Variants in ZFAND1 observed in about 807,000 individuals in gnomAD.
ZFAND1 encodes AN1-type zinc finger protein 1.
ZFAND1 carries 40 observed loss-of-function variants against 38.5 expected under a neutral mutation model. The observed-to-expected ratio is 1.04, with a 90% CI of 0.81 to 1.35. The LOEUF is 1.35. ZFAND1 is among the 40% of genes most tolerant of loss of function. ZFAND1 has a pLI of 0.00. For synonymous variants in ZFAND1, 117 were observed against 103.6 expected, an observed-to-expected ratio of 1.13 and a Z score of -0.78; for missense variants, 346 against 316.3, an observed-to-expected ratio of 1.09 and a Z score of -0.71.
At chr8:81,714,202 T>C (rs953831268) in intron 5 of ZFAND1, 163 bp from the exon 6 acceptor site, 11 of 622,512 alleles carry the variant, frequency 1.8e-5, no homozygotes, top group Middle Eastern at 9.2e-4. Context: ...ACATTGTCAA[T>C]GGAAAAATAT....
Position 81,702,886 on chromosome 8 carries a change from C to T in ZFAND1, c.637-21G>A. 3.8e-6 allele frequency: 6 copies of T among 1,567,952 alleles called. No homozygotes were observed. The South Asian group carries it at 4.9e-5, about 13-fold the overall frequency. Reference sequence around the variant, plus strand: ...AATTTCTGTGAAGGGAGAAGTAAGTCATACTGTAATAAATAAACATGCTTG... The same window carrying T: ...AATTTCTGTGAAGGGAGAAGTAAGTTATACTGTAATAAATAAACATGCTTG... On this transcript the variant is annotated intron_variant, in intron 7 of 7. Coordinates refer to ENST00000220669, the MANE Select transcript of ZFAND1 (RefSeq NM_024699.3).
At chr8:81,719,359 T>G (rs996984150) in intron 1 of ZFAND1, among the ~76,000 whole-genome samples, 22 of 62,822 alleles carry the variant, frequency 3.5e-4, no homozygotes, top group Non-Finnish European at 5.4e-4. Context: ...ACACACAAAT[T>G]AGCTGGGCGT....
rs1200557363 is a variant in ZFAND1 at position 81,715,127 on chromosome 8, AAAG to A, written c.139-16_139-14del. On this transcript the variant is annotated splice_polypyrimidine_tract_variant and intron_variant, in intron 3 of 7. Transcript: ENST00000220669. ...TGATTACAGTCACCTGAAAATGCAA[AAAG>A]GAGGAAATGTATTACATTTCAGACC... 1 of 1,612,866 alleles carries A rather than the reference AAAG, an allele frequency of 6.2e-7. No homozygotes were observed. Among genetic ancestry groups the A allele is most frequent in the South Asian group, 1.1e-5 (1 of 91,006 alleles).
chr8:81,702,954 A>G lies in ZFAND1; in HGVS notation c.636+15T>C, dbSNP rs775270434. On this transcript the variant is annotated intron_variant, in intron 7 of 7. Coordinates refer to ENST00000220669, the MANE Select transcript of ZFAND1 (RefSeq NM_024699.3). The stretch of plus-strand genomic sequence containing the variant: ...CCTTTATTAATATAGAAATATTATT[A>G]TAATGAGATGTTACCTTAGCTGTAA... The G allele has an allele frequency of 6.7e-7, 1 of 1,495,182 alleles. No homozygotes were observed. Among genetic ancestry groups the G allele is most frequent in the Non-Finnish European group, 8.9e-7 (1 of 1,122,630 alleles). The allele number at this position is 1,495,182 out of a possible 1,614,324, so 92.6% of individuals were successfully genotyped here.
intron 6 of ZFAND1, among the ~76,000 whole-genome samples, chr8:81,706,575 T>G (rs1038965550): frequency 6.6e-6 from 1 of 151,940 alleles, no homozygotes; most frequent in African/African-American, 2.4e-5. Flanking sequence ...ATGTTAAGAA[T>G]GTAAGCACAT....
At chr8:81,718,652 T>C (rs899753521) in intron 1 of ZFAND1, among the ~76,000 whole-genome samples, 2 of 149,722 alleles carry the variant, frequency 1.3e-5, no homozygotes, top group African/African-American at 4.9e-5. Flanking sequence ...ATATATATAT[T>C]TTTATATATA....
intron 6 of ZFAND1, chr8:81,708,778 A>C: frequency 8.0e-7 from 1 of 1,248,170 alleles, no homozygotes; most frequent in Non-Finnish European, 1.0e-6. Flanking sequence ...TTAGAAGGGC[A>C]GGCTCTTACC....
In ZFAND1 at chr8:81,703,117, C is replaced by A. The variant is rs1340137396; in HGVS notation, c.488G>T (p.Arg163Ile). Residue 163 changes from arginine (R) to isoleucine (I), a missense_variant, in exon 7 of 8, where the codon AGA becomes ATA. Coordinates refer to ENST00000220669, the MANE Select transcript of ZFAND1 (RefSeq NM_024699.3). ...AGGTAAGAAAACCTGAAAGTAAATTCTTTCTGTCTGTAAAAAGAAAAAGTT... is the reference window on the plus strand; with the variant it reads ...AGGTAAGAAAACCTGAAAGTAAATTATTTCTGTCTGTAAAAAGAAAAAGTT... ...DGDKSLPQTE[R>I]IYFQVFLPKG... is the part of the protein sequence containing the mutation. 2 of 1,494,008 alleles carry A rather than the reference C, an allele frequency of 1.3e-6. No homozygotes were observed. Among genetic ancestry groups the A allele is most frequent in the Admixed American group, 2.3e-5 (1 of 44,426 alleles). 92.5% of individuals were successfully genotyped at this position (1,494,008 alleles called of 1,614,324 possible). A position where few individuals can be genotyped will look rare whatever the true frequency, so the allele number is the denominator to read the frequency against.
chr8:81,702,539 T>C lies in ZFAND1; in HGVS notation c.*156A>G. The stretch of plus-strand genomic sequence containing the variant: ...ACAATTAAACTTAAAACCAAAAAAC[T>C]CTAATAGAAAACTCATAATTTAAAA... On this transcript the variant is annotated 3_prime_UTR_variant, in exon 8 of 8. Transcript: ENST00000220669. 1.7e-6 allele frequency: 1 copy of C among 592,020 alleles called. No individual in the cohort carries two copies. The highest frequency in any genetic ancestry group is 2.6e-6 in the Non-Finnish European group (1 of 388,548). 36.7% of individuals were successfully genotyped at this position (592,020 alleles called of 1,614,324 possible).
chr8:81,711,768 T>A (rs1311366820), intron 6 of ZFAND1, among the ~76,000 whole-genome samples: 1 of 152,066 alleles, frequency 6.6e-6, no homozygotes, highest in Non-Finnish European at 1.5e-5. Flanking sequence ...CATCAAACAG[T>A]TTTTTGGAAA....
In ZFAND1 at chr8:81,704,074, GA is replaced by G. The variant is rs1381497490; in HGVS notation, c.481-951del. On this transcript the variant is annotated intron_variant, in intron 6 of 7. Transcript: ENST00000220669. ...AAAGACCTCACTATGTATTTAGACA[GA>G]AGGACTTTTCGGAACAAGGAAACAT... Among the ~76,000 whole-genome samples the G allele has an allele frequency of 6.0e-5, 9 of 149,344 alleles. No individual in the cohort carries two copies. In the South Asian group the frequency reaches 1.1e-3, roughly 18 times the overall value.
intron 3 of ZFAND1, among the ~76,000 whole-genome samples, chr8:81,716,432 CT>C (rs1349396335): frequency 6.6e-6 from 1 of 152,130 alleles, no homozygotes; most frequent in Non-Finnish European, 1.5e-5. Context: ...ATTTTGACTT[CT>C]ATTTGCCAGA....
chr8:81,715,291 C>T (rs966343095), intron 3 of ZFAND1, among the ~76,000 whole-genome samples, 177 bp from the exon 4 acceptor site: 2 of 152,128 alleles, frequency 1.3e-5, no homozygotes, highest in African/African-American at 4.8e-5. Flanking sequence ...ACTGACTGTT[C>T]CACACTTTCA....
At position 81,702,951 on chromosome 8, in the gene ZFAND1, A is replaced by G; in HGVS notation, c.636+18T>C. 1 of 1,495,784 alleles carries G rather than the reference A, an allele frequency of 6.7e-7. No homozygotes were observed. The highest frequency in any genetic ancestry group is 1.4e-5 in the South Asian group (1 of 72,110). 92.7% of individuals were successfully genotyped at this position (1,495,784 alleles called of 1,614,324 possible). On this transcript the variant is annotated intron_variant, in intron 7 of 7. Coordinates refer to ENST00000220669, the MANE Select transcript of ZFAND1 (RefSeq NM_024699.3). Reference sequence around the variant, plus strand: ...AAACCTTTATTAATATAGAAATATTATTATAATGAGATGTTACCTTAGCTG... The same window carrying G: ...AAACCTTTATTAATATAGAAATATTGTTATAATGAGATGTTACCTTAGCTG...
chr8:81,705,368 G>C (rs1024137857), intron 6 of ZFAND1, among the ~76,000 whole-genome samples: 11 of 149,504 alleles, frequency 7.4e-5, no homozygotes, highest in Non-Finnish European at 1.2e-4. Flanking sequence ...ACTTTAAAAA[G>C]ACATTTAAAA....
At chr8:81,713,838 A>T in intron 6 of ZFAND1, 80 bp downstream of exon 6, 1 of 1,392,002 alleles carries the variant, frequency 7.2e-7, no homozygotes, top group Non-Finnish European at 1.0e-6. Context: ...GTTAGTTGTT[A>T]ATTGATGGGA....
chr8:81,718,182 C>T lies in ZFAND1; in HGVS notation c.98G>A (p.Cys33Tyr), dbSNP rs756996725. The change falls in exon 2 of 8, where the codon TGC (cysteine) becomes TAC (tyrosine). Residue 33 changes from cysteine to tyrosine, a missense_variant and splice_region_variant. Transcript: ENST00000220669. ...AATCCTGCATAAAAACTTAACTTAC[C>T]AAAATATTCCTGAACAATCATCACA... ...FVCDDCSGIF[C>Y]LEHRSRESHG... 12 of 1,574,456 alleles carry T rather than the reference C, an allele frequency of 7.6e-6. No individual in the cohort carries two copies. In the African/African-American group the frequency reaches 1.5e-4, roughly 20 times the overall value.
At chr8:81,715,814 CT>C (rs1808291663) in intron 3 of ZFAND1, among the ~76,000 whole-genome samples, 1 of 152,116 alleles carries the variant, frequency 6.6e-6, no homozygotes, top group Non-Finnish European at 1.5e-5. Flanking sequence ...ATTTAAGTAT[CT>C]TTTTGAACTT....
At chr8:81,714,639 A>G (rs1808244641) in intron 5 of ZFAND1, 165 bp downstream of exon 5, 2 of 631,476 alleles carry the variant, frequency 3.2e-6, no homozygotes, top group Admixed American at 6.0e-5. Flanking sequence ...TCCATCGGTC[A>G]GGTAGACCTC....
Sources: allele counts gnomAD v4.1 joint callset (sites outside exome capture counted in the v4.1 genomes callset), GRCh38; gene constraint gnomAD v4.1.1; transcripts MANE v1.5; gene names NCBI Gene and HGNC (gene_info 2026-07-23, HGNC 2026-07-21).